The following PKNOX2 variants were observed in gnomAD, a reference collection of about 807,000 sequenced individuals.
The protein encoded by PKNOX2 is PBX/knotted 1 homeobox 2, also known as homeobox protein PKNOX2.
PKNOX2 carries 14 observed loss-of-function variants against 53.1 expected under a neutral mutation model. The observed-to-expected ratio is 0.26, with a 90% CI of 0.17 to 0.41. The LOEUF is 0.41. Among genes scored for constraint, PKNOX2 ranks in the 10% least tolerant of loss-of-function variants. The pLI is 1.00. For missense variants in PKNOX2, 496 were observed against 602.8 expected (o/e 0.82, Z 1.85); for synonymous variants, 257 against 242.8 (o/e 1.06, Z -0.54).
At chr11:125,412,191 C>A (rs549354838) in intron 10 of PKNOX2, among the ~76,000 whole-genome samples, 1 of 152,166 alleles carries the variant, frequency 6.6e-6, no homozygotes, top group South Asian at 2.1e-4. Flanking sequence ...AGGGTCACTG[C>A]GGGGAGTGGG....
intron 2 of PKNOX2, among the ~76,000 whole-genome samples, chr11:125,264,704 G>C (rs976241712): frequency 6.7e-6 from 1 of 148,480 alleles, no homozygotes; most frequent in Non-Finnish European, 1.5e-5. Context: ...CCCTGAAAAG[G>C]AGGAGACAGA....
chr11:125,239,851 G>GAGC (rs1443839752), intron 2 of PKNOX2: 1 of 152,252 alleles, frequency 6.6e-6, no homozygotes, highest in Non-Finnish European at 1.5e-5. Flanking sequence ...AGTGTGCAGA[G>GAGC]AGCAGTGACA....
At chr11:125,363,709 T>C (rs1952041118) in intron 4 of PKNOX2, among the ~76,000 whole-genome samples, 1 of 152,200 alleles carries the variant, frequency 6.6e-6, no homozygotes, top group African/African-American at 2.4e-5. Flanking sequence ...TGAGACCAGC[T>C]GTGAATGCAC....
chr11:125,292,870 T>C (rs149378641), intron 2 of PKNOX2, among the ~76,000 whole-genome samples: 1 of 152,274 alleles, frequency 6.6e-6, no homozygotes, highest in East Asian at 1.9e-4. Context: ...TTGATGTGCA[T>C]GTACGGTATG....
intron 1 of PKNOX2, among the ~76,000 whole-genome samples, chr11:125,226,396 T>C (rs1941695660): frequency 6.6e-6 from 1 of 152,176 alleles, no homozygotes; most frequent in South Asian, 2.1e-4. Flanking sequence ...TGGGTAAAAT[T>C]TCCAGGGATT....
chr11:125,322,538 A>C lies in PKNOX2; in HGVS notation c.-129-9281A>C, dbSNP rs541674109. Reference sequence around the variant, plus strand: ...AATGACCACCTTCCCCGCCCCACCCAGGATGGCGCTGCTCTCGTGGGGGTT... The same window carrying C: ...AATGACCACCTTCCCCGCCCCACCCCGGATGGCGCTGCTCTCGTGGGGGTT... On this transcript the variant is annotated intron_variant, in intron 2 of 12. Transcript: ENST00000298282. 1.3e-4 allele frequency among the ~76,000 whole-genome samples: 20 copies of C among 152,286 alleles called. No individual in the cohort carries two copies. In the East Asian group the frequency reaches 3.9e-3, roughly 29 times the overall value.
rs1259837142 is a variant in PKNOX2, at chr11:125,166,625, G to A, written c.-201+1849G>A. On this transcript the variant is annotated intron_variant, in intron 1 of 12. Coordinates refer to ENST00000298282, the MANE Select transcript of PKNOX2 (RefSeq NM_001382323.2). This position sits in a 1 kb window ranked among gnomAD's most constrained non-coding sequence, Gnocchi z 4.0. ...CGCGGCCTGCGATGAAGGCCGGGGG[G>A]CAGCGCTAGCAGCGAGGTGCCACAG... 6.6e-6 allele frequency among the ~76,000 whole-genome samples: 1 copy of A among 152,160 alleles called. No homozygotes were observed. Among genetic ancestry groups the A allele is most frequent in the Non-Finnish European group, 1.5e-5 (1 of 68,018 alleles).
At chr11:125,332,505 T>C (rs1202194473) in intron 3 of PKNOX2, 1 of 152,216 alleles carries the variant, frequency 6.6e-6, no homozygotes, top group Admixed American at 6.5e-5. Context: ...TCTTATCTGA[T>C]AGGGTTTTTT....
rs1398709659 is a variant in PKNOX2 at position 125,422,999 on chromosome 11, A to G, written c.937-6013A>G. Among the ~76,000 whole-genome samples, 1 of 152,108 alleles carries G rather than the reference A, an allele frequency of 6.6e-6. No homozygotes were observed. The highest frequency in any genetic ancestry group is 1.9e-4 in the East Asian group (1 of 5,200). ...GAGTACACTAAGCACCGTTCTAAATAGCTTTCGTATATTAACTCATTTACT... is the reference window on the plus strand; with the variant it reads ...GAGTACACTAAGCACCGTTCTAAATGGCTTTCGTATATTAACTCATTTACT... On this transcript the variant is annotated intron_variant, in intron 10 of 12. Coordinates refer to ENST00000298282, the MANE Select transcript of PKNOX2 (RefSeq NM_001382323.2). The surrounding 1 kb of genome is among the most constrained non-coding windows in gnomAD (Gnocchi z 4.1).
chr11:125,209,374 G>A (rs1194677455), intron 1 of PKNOX2, among the ~76,000 whole-genome samples: 1 of 151,888 alleles, frequency 6.6e-6, no homozygotes, highest in East Asian at 1.9e-4. Flanking sequence ...AGCCCAAGTA[G>A]GAGGTTGAAG....
At chr11:125,217,409 C>T (rs1269632786) in intron 1 of PKNOX2, among the ~76,000 whole-genome samples, 4 of 152,234 alleles carry the variant, frequency 2.6e-5, no homozygotes, top group Non-Finnish European at 5.9e-5. Context: ...TTCAGATCTT[C>T]ACGCTTCCAC....
chr11:125,256,508 G>T (rs926761190), intron 2 of PKNOX2, among the ~76,000 whole-genome samples: 2 of 152,144 alleles, frequency 1.3e-5, no homozygotes, highest in Non-Finnish European at 2.9e-5. Flanking sequence ...ATTTGGGGCC[G>T]GGGAAGGGCA....
At chr11:125,395,062 C>T (rs1407860585) in intron 6 of PKNOX2, among the ~76,000 whole-genome samples, 1 of 152,022 alleles carries the variant, frequency 6.6e-6, no homozygotes, top group African/African-American at 2.4e-5. Context: ...CAGAACAGTT[C>T]CTCCCTCCCT....
intron 1 of PKNOX2, among the ~76,000 whole-genome samples, chr11:125,183,777 C>T (rs540929552): frequency 7.6e-4 from 116 of 152,148 alleles, no homozygotes; most frequent in African/African-American, 2.6e-3. Flanking sequence ...GGATTAGCCA[C>T]TACAGTTGAC....
intron 2 of PKNOX2, among the ~76,000 whole-genome samples, chr11:125,277,943 G>A (rs890439313): frequency 3.3e-5 from 5 of 152,132 alleles, no homozygotes; most frequent in African/African-American, 1.2e-4. Flanking sequence ...CTAGCTGGGT[G>A]TAGTTGCTCA....
chr11:125,171,849 G>A (rs556605870), intron 1 of PKNOX2, among the ~76,000 whole-genome samples: 2 of 152,352 alleles, frequency 1.3e-5, no homozygotes, highest in South Asian at 4.1e-4. Context: ...ACACTTTGGG[G>A]ATGAGGGGTG....
intron 10 of PKNOX2, among the ~76,000 whole-genome samples, chr11:125,427,415 G>A (rs1956484047): frequency 6.6e-6 from 1 of 152,190 alleles, no homozygotes; most frequent in African/African-American, 2.4e-5. Flanking sequence ...GGATGCTGAG[G>A]TAGGGGAGAG....
intron 3 of PKNOX2, among the ~76,000 whole-genome samples, chr11:125,342,900 T>C (rs1591535172): frequency 6.6e-6 from 1 of 151,244 alleles, no homozygotes; most frequent in East Asian, 1.9e-4. Context: ...AAAAGGAAAA[T>C]AATTGAATAA....
chr11:125,171,297 G>A (rs1035254476), intron 1 of PKNOX2, among the ~76,000 whole-genome samples: 7 of 152,094 alleles, frequency 4.6e-5, no homozygotes, highest in African/African-American at 1.2e-4. Context: ...CTGTGTCCCC[G>A]GCACAGTCCT....
Sources: allele counts gnomAD v4.1 joint callset (sites outside exome capture counted in the v4.1 genomes callset), GRCh38; gene constraint gnomAD v4.1.1; non-coding constraint Gnocchi (gnomAD v3.1); transcripts MANE v1.5; gene names NCBI Gene and HGNC (gene_info 2026-07-23, HGNC 2026-07-21).